Variants in EGLN1 observed in about 807,000 individuals in gnomAD.
EGLN1 encodes egl nine homolog 1.
In EGLN1, 17 loss-of-function variants were observed where a neutral mutation model predicts 38.3. The observed-to-expected ratio is 0.44, with a 90% CI of 0.30 to 0.67. The LOEUF is 0.67. Ranked by LOEUF, EGLN1 falls within the 30% of genes least tolerant of loss-of-function variation. The pLI is 0.08. For missense variants in EGLN1, 477 were observed against 603.3 expected (o/e 0.79, Z 2.19); for synonymous variants, 283 against 257.5 (o/e 1.10, Z -0.95).
At chr1:231,368,582 A>G (rs1258581910) in intron 3 of EGLN1, among the ~76,000 whole-genome samples, 1 of 152,232 alleles carries the variant, frequency 6.6e-6, no homozygotes, top group Non-Finnish European at 1.5e-5. Context: ...ATAATGGGGA[A>G]AATGTATAAA....
intron 3 of EGLN1, 26 bp downstream of exon 3, chr1:231,370,536 C>A: frequency 1.2e-6 from 2 of 1,612,610 alleles, no homozygotes; most frequent in Non-Finnish European, 1.7e-6. Context: ...TACTCTAAAC[C>A]AATTTTTTCT....
intron 1 of EGLN1, among the ~76,000 whole-genome samples, chr1:231,408,482 T>C (rs1254308063): frequency 6.6e-6 from 1 of 152,180 alleles, no homozygotes; most frequent in Non-Finnish European, 1.5e-5. Context: ...GTAAGATTTT[T>C]ATGAGTGTTG....
intron 1 of EGLN1, among the ~76,000 whole-genome samples, chr1:231,397,229 T>C (rs1205079366): frequency 6.6e-6 from 1 of 152,278 alleles, no homozygotes; most frequent in African/African-American, 2.4e-5. Flanking sequence ...CTTGCAAGGC[T>C]GTTTCATTTT....
In EGLN1 at chr1:231,365,993, T is replaced by A. The variant is rs1687635261; in HGVS notation, c.*418A>T. 5.4e-6 allele frequency: 1 copy of A among 185,548 alleles called. No individual in the cohort carries two copies. The highest frequency in any genetic ancestry group is 1.1e-4 in the South Asian group (1 of 8,922). The allele number at this position is 185,548 out of a possible 1,614,324, so 11.5% of individuals were successfully genotyped here. A position where few individuals can be genotyped will look rare whatever the true frequency, so the allele number is the denominator to read the frequency against. ...GTTATTTTGAGGAATAATACTGTAA[T>A]TTTTTCTCAATTCAGTTTAGATAAA... On this transcript the variant is annotated 3_prime_UTR_variant, in exon 5 of 5. Coordinates refer to ENST00000366641, the MANE Select transcript of EGLN1 (RefSeq NM_022051.3).
At position 231,421,694 on chromosome 1, in the gene EGLN1, G is replaced by A; in HGVS notation, c.195C>T (p.Leu65=). Residue 65 remains leucine (L), a synonymous_variant, in exon 1 of 5, where the codon CTC becomes CTT. Transcript: ENST00000366641. The surrounding 1 kb of genome is among the most constrained non-coding windows in gnomAD (Gnocchi z 5.5). ...KLVCQGSEGA[L]GHGVGPHQHS... is the part of the protein sequence containing the mutation. ...GCTGGTGTGGGCCCACTCCGTGGCCGAGGGCGCCCTCGCTGCCCTGGCACA... is the reference window on the plus strand; with the variant it reads ...GCTGGTGTGGGCCCACTCCGTGGCCAAGGGCGCCCTCGCTGCCCTGGCACA... 6.6e-7 allele frequency: 1 copy of A among 1,511,656 alleles called. No individual in the cohort carries two copies. Among genetic ancestry groups the A allele is most frequent in the Non-Finnish European group, 8.8e-7 (1 of 1,136,000 alleles). The allele number at this position is 1,511,656 out of a possible 1,614,324, so 93.6% of individuals were successfully genotyped here.
chr1:231,370,568 G>A lies in EGLN1; in HGVS notation c.1142C>T (p.Ala381Val). ...TTCTGAAAAGGAATACTACCTTGTA[G>A]CATATGCTGGTTGTACTTCATGAGG... ...RNPHEVQPAY[A>V]TRYAITVWYF... The change falls in exon 3 of 5, where the codon GCT becomes GTT. Residue 381 changes from alanine (A) to valine (V), a missense_variant. Transcript: ENST00000366641. The A allele has an allele frequency of 2.5e-6, 4 of 1,613,608 alleles. No homozygotes were observed. Among genetic ancestry groups the A allele is most frequent in the Non-Finnish European group, 3.4e-6 (4 of 1,180,020 alleles).
Position 231,373,588 on chromosome 1 carries a change from G to T in EGLN1, c.1011+392C>A, listed in dbSNP as rs897140693. Among the ~76,000 whole-genome samples, 44 of 151,818 alleles carry T rather than the reference G, an allele frequency of 2.9e-4. 1 individual carries two copies. On this transcript the variant is annotated intron_variant, in intron 2 of 4. Transcript: ENST00000366641. The stretch of plus-strand genomic sequence containing the variant: ...CAATTTGATGAGTTTGGATATATAC[G>T]CACACCCTCATGACACACCACAACC...
chr1:231,410,644 A>G (rs1688914429), intron 1 of EGLN1, among the ~76,000 whole-genome samples: 1 of 152,120 alleles, frequency 6.6e-6, no homozygotes, highest in African/African-American at 2.4e-5. Context: ...TTCCTTCTAC[A>G]TACACATCTT....
At chr1:231,375,556 T>C (rs1687937505) in intron 1 of EGLN1, among the ~76,000 whole-genome samples, 1 of 152,234 alleles carries the variant, frequency 6.6e-6, no homozygotes, top group African/African-American at 2.4e-5. Context: ...CCTGTTTCCC[T>C]AGACACTCTG....
intron 1 of EGLN1, among the ~76,000 whole-genome samples, chr1:231,393,925 C>T (rs1688454001): frequency 6.6e-6 from 1 of 152,198 alleles, no homozygotes; most frequent in Non-Finnish European, 1.5e-5. Flanking sequence ...TGTTAAATAT[C>T]TGCAGCCTGA....
intron 1 of EGLN1, among the ~76,000 whole-genome samples, chr1:231,388,741 G>A (rs11122282): frequency 0.55 from 82,753 of 151,792 alleles, 24,156 homozygotes; most frequent in Non-Finnish European, 0.65. Flanking sequence ...TTCAACCTCC[G>A]CCTCCTGAGT....
intron 1 of EGLN1, among the ~76,000 whole-genome samples, chr1:231,385,353 G>A (rs2102908812): frequency 6.6e-6 from 1 of 152,300 alleles, no homozygotes; most frequent in African/African-American, 2.4e-5. Context: ...CAACACAGAT[G>A]ACAATTAAAA....
chr1:231,406,762 T>C (rs1308531767), intron 1 of EGLN1, among the ~76,000 whole-genome samples: 1 of 152,038 alleles, frequency 6.6e-6, no homozygotes, highest in African/African-American at 2.4e-5. Context: ...CTATGTTCAT[T>C]TTGAGTGTGA....
intron 1 of EGLN1, among the ~76,000 whole-genome samples, chr1:231,404,519 T>C (rs2102929306): frequency 6.6e-6 from 1 of 152,248 alleles, no homozygotes; most frequent in South Asian, 2.1e-4. Context: ...GGCTCATGCC[T>C]GTAATCCCAG....
intron 1 of EGLN1, among the ~76,000 whole-genome samples, chr1:231,403,297 C>T (rs569468096): frequency 1.3e-5 from 2 of 152,096 alleles, no homozygotes; most frequent in South Asian, 4.1e-4. Context: ...TTGTTGATTT[C>T]CTATTTAAGA....
At chr1:231,394,932 C>T (rs1191873541) in intron 1 of EGLN1, among the ~76,000 whole-genome samples, 2 of 152,152 alleles carry the variant, frequency 1.3e-5, no homozygotes, top group African/African-American at 4.8e-5. Context: ...GCCAATCCTG[C>T]CTCCTATAGT....
rs1407123012 is a variant in EGLN1, at chr1:231,366,307, C to T, written c.*104G>A. ...TTGTTTCTGTTTCCTTATTAAAATGCGAACTGGTTGTCTATTTTTCTTTAT... is the reference window on the plus strand; with the variant it reads ...TTGTTTCTGTTTCCTTATTAAAATGTGAACTGGTTGTCTATTTTTCTTTAT... On this transcript the variant is annotated 3_prime_UTR_variant, in exon 5 of 5. Transcript: ENST00000366641. The T allele has an allele frequency of 1.8e-5, 24 of 1,304,362 alleles. No homozygotes were observed. Among genetic ancestry groups the T allele is most frequent in the East Asian group, 1.2e-4 (5 of 43,208 alleles). 80.8% of individuals were successfully genotyped at this position (1,304,362 alleles called of 1,614,324 possible).
At chr1:231,412,387 A>G (rs565860409) in intron 1 of EGLN1, among the ~76,000 whole-genome samples, 1 of 152,266 alleles carries the variant, frequency 6.6e-6, no homozygotes, top group South Asian at 2.1e-4. Context: ...TTTATTTCTG[A>G]CTTCATTTTG....
At chr1:231,411,458 C>T (rs1224305167) in intron 1 of EGLN1, among the ~76,000 whole-genome samples, 1 of 152,152 alleles carries the variant, frequency 6.6e-6, no homozygotes, top group Non-Finnish European at 1.5e-5. Flanking sequence ...ATTCCCCAAA[C>T]TTATGATTAG....
Sources: gnomAD v4.1 joint callset for allele counts (sites outside exome capture counted in the v4.1 genomes callset) on GRCh38, gnomAD v4.1.1 for gene constraint, Gnocchi (gnomAD v3.1) non-coding constraint, MANE v1.5 for transcripts, NCBI Gene and HGNC (gene_info 2026-07-23, HGNC 2026-07-21) for gene names.